The following AHNAK2 variants were observed in gnomAD, a reference collection of about 807,000 sequenced individuals.
The protein encoded by AHNAK2 is protein AHNAK2.
In AHNAK2, 18 loss-of-function variants were observed where a neutral mutation model predicts 30.7. The observed-to-expected ratio is 0.59, with a 90% CI of 0.41 to 0.87. The LOEUF (loss-of-function observed/expected upper bound fraction) is 0.87. Ranked by LOEUF, AHNAK2 falls within the 40% of genes least tolerant of loss-of-function variation. The pLI is 0.00. For missense variants in AHNAK2, 8,604 were observed against 7,373.0 expected (o/e 1.17, Z -6.11); for synonymous variants, 3,590 against 3,073.8 (o/e 1.17, Z -5.56).
intron 5 of AHNAK2, 21 bp from the exon 6 acceptor site, chr14:104,955,162 C>G (rs368794016): frequency 8.9e-5 from 142 of 1,589,280 alleles, no homozygotes; most frequent in Non-Finnish European, 1.2e-4. Context: ...AAAGAGCAGC[C>G]CCAGGGCCGG....
rs779053474 is a variant in AHNAK2, at chr14:104,948,813, T to C, written c.6638A>G (p.Gln2213Arg). 1.2e-5 allele frequency: 19 copies of C among 1,612,564 alleles called. No individual in the cohort carries two copies. The Admixed American group carries it at 3.0e-4, about 25-fold the overall frequency. Residue 2213 changes from glutamine (Q) to arginine (R), a missense_variant, in exon 7 of 7, where the codon CAG becomes CGG. Gln to Arg is a conservative substitution (Grantham distance 43). Transcript: ENST00000333244. Reference protein sequence around the residue: ...IQPLSADVKVQAGQVDVKLLE... With the variant: ...IQPLSADVKVRAGQVDVKLLE... ...GAGTTTCACGTCCACCTGGCCAGCC[T>C]GGACCTTCACGTCGGCGGAAAGGGG...
chr14:104,947,673 A>G lies in AHNAK2; in HGVS notation c.7778T>C (p.Leu2593Pro). The change falls in exon 7 of 7, where the codon CTG becomes CCG. Residue 2593 changes from leucine to proline, a missense_variant. By Grantham distance (98) the Leu-to-Pro change is moderately conservative. Coordinates refer to ENST00000333244, the MANE Select transcript of AHNAK2 (RefSeq NM_138420.4). The part of the protein sequence containing the change: ...GPQLDVKGPK[L>P]DLKGPKAEVT... ...TTCCGCCTTGGGGCCTTTCAGGTCCAGCTTGGGGCCCTTGACATCTAGCTG... is the reference window on the plus strand; with the variant it reads ...TTCCGCCTTGGGGCCTTTCAGGTCCGGCTTGGGGCCCTTGACATCTAGCTG... The G allele has an allele frequency of 2.1e-5, 34 of 1,612,956 alleles. No individual in the cohort carries two copies. Among genetic ancestry groups the G allele is most frequent in the Non-Finnish European group, 2.9e-5 (34 of 1,179,636 alleles).
At chr14:104,968,249 C>CGTGGT (rs1176146140) in intron 1 of AHNAK2, among the ~76,000 whole-genome samples, 1 of 152,188 alleles carries the variant, frequency 6.6e-6, no homozygotes, top group Non-Finnish European at 1.5e-5. Context: ...CATGCCAGGG[C>CGTGGT]AGGTGGGGGT....
Position 104,953,350 on chromosome 14 carries a change from A to T in AHNAK2, c.2101T>A (p.Ser701Thr), listed in dbSNP as rs574839800. The T allele has an allele frequency of 3.7e-6, 6 of 1,613,376 alleles. No individual in the cohort carries two copies. In the East Asian group the frequency reaches 8.9e-5, roughly 24 times the overall value. ...ACGTCGGCCTCCACCTTCGGCGCAG[A>T]CACATCCACCGAGGCCTCCATGGAC... ...GKSMEASVDV[S>T]APKVEADVSL... Residue 701 changes from serine to threonine, a missense_variant, in exon 7 of 7, where the codon TCT (serine) becomes ACT (threonine). Coordinates refer to ENST00000333244, the MANE Select transcript of AHNAK2 (RefSeq NM_138420.4).
chr14:104,941,092 AGG>A lies in AHNAK2; in HGVS notation c.14357_14358del (p.Pro4786LeufsTer2). The A allele has an allele frequency of 6.2e-7, 1 of 1,613,704 alleles. No individual in the cohort carries two copies. Among genetic ancestry groups the A allele is most frequent in the Non-Finnish European group, 8.5e-7 (1 of 1,179,888 alleles). ...GPHFESSILSPCEDVTLTKYQ... is the reference protein window; with the variant it reads ...GPHFESSILSXCEDVTLTKYQ... ...TATTTTGTAAGTGTAACATCCTCAC[AGG>A]GAGAGAGAATAGAAGATTCAAAGTG... On this transcript the variant is annotated frameshift_variant, in exon 7 of 7. Coordinates refer to ENST00000333244, the MANE Select transcript of AHNAK2 (RefSeq NM_138420.4). LOFTEE classifies it low-confidence loss of function (END_TRUNC).
intron 1 of AHNAK2, 31 bp from the exon 2 acceptor site, chr14:104,957,703 AG>A: frequency 1.2e-6 from 2 of 1,600,070 alleles, no homozygotes; most frequent in Non-Finnish European, 1.7e-6. Flanking sequence ...AGTGGAGACA[AG>A]CAGGCTGGGG....
chr14:104,962,605 T>C (rs2140876126), intron 1 of AHNAK2, among the ~76,000 whole-genome samples: 1 of 152,264 alleles, frequency 6.6e-6, no homozygotes, highest in Admixed American at 6.5e-5. Flanking sequence ...TTTTTTTTTT[T>C]TGGTACTTTT....
chr14:104,966,551 A>G lies in AHNAK2; in HGVS notation c.56-8879T>C. Among the ~76,000 whole-genome samples the G allele has an allele frequency of 6.6e-6, 1 of 151,434 alleles. No individual in the cohort carries two copies. The highest frequency in any genetic ancestry group is 1.5e-5 in the Non-Finnish European group (1 of 67,850). ...CTGCTCCCACCTGGACGCACCCCCA[A>G]CCTGCACAGACAGAACTTGGCCAGC... On this transcript the variant is annotated intron_variant, in intron 1 of 6. Transcript: ENST00000333244. The surrounding 1 kb of genome is among the most constrained non-coding windows in gnomAD (Gnocchi z 4.3).
chr14:104,969,806 G>C (rs1276676966), intron 1 of AHNAK2, among the ~76,000 whole-genome samples: 1 of 152,186 alleles, frequency 6.6e-6, no homozygotes, highest in Non-Finnish European at 1.5e-5. Flanking sequence ...ATCCATCCCA[G>C]GCGGGCTAGC....
At chr14:104,959,383 G>T (rs1899070813) in intron 1 of AHNAK2, among the ~76,000 whole-genome samples, 1 of 152,162 alleles carries the variant, frequency 6.6e-6, no homozygotes, top group South Asian at 2.1e-4. Context: ...TGTCGGCCAG[G>T]CTGGTCTTGA....
rs1159249589 is a variant in AHNAK2, at chr14:104,947,184, G to A, written c.8267C>T (p.Pro2756Leu). ...LKGPQIDVKG[P>L]NVDLKGPKAE... The stretch of plus-strand genomic sequence containing the variant: ...CTTGGGGCCTTTCAGGTCCACGTTG[G>A]GGCCCTTAACATCTATCTGGGGGCC... Residue 2756 changes from proline (P) to leucine (L), a missense_variant, in exon 7 of 7, where the codon CCC becomes CTC. Transcript: ENST00000333244. 2 of 1,611,938 alleles carry A rather than the reference G, an allele frequency of 1.2e-6. No homozygotes were observed. Among genetic ancestry groups the A allele is most frequent in the African/African-American group, 2.7e-5 (2 of 74,076 alleles).
In AHNAK2 at chr14:104,954,328, T is replaced by G. The variant is rs1421128552; in HGVS notation, c.1123A>C (p.Ser375Arg). 1.2e-6 allele frequency: 2 copies of G among 1,613,540 alleles called. No individual in the cohort carries two copies. The highest frequency in any genetic ancestry group is 2.7e-5 in the African/African-American group (2 of 74,934). Reference protein sequence around the residue: ...SLEETGAATGSRREERAEQDR... With the variant: ...SLEETGAATGRRREERAEQDR... ...TGTTCTGCCCTCTCCTCTCTCCTGC[T>G]GCCTGTGGCAGCCCCAGTCTCCTCG... Residue 375 changes from serine to arginine, a missense_variant, in exon 7 of 7, where the codon AGC becomes CGC. By Grantham distance (110) the Ser-to-Arg change is moderately radical (BLOSUM62 -1). Coordinates refer to ENST00000333244, the MANE Select transcript of AHNAK2 (RefSeq NM_138420.4). The surrounding 1 kb of genome is among the most constrained non-coding windows in gnomAD (Gnocchi z 4.3).
Position 104,957,427 on chromosome 14 carries a change from C to T in AHNAK2, c.196G>A (p.Ala66Thr). The T allele has an allele frequency of 6.3e-7, 1 of 1,588,414 alleles. No homozygotes were observed. The highest frequency in any genetic ancestry group is 8.6e-7 in the Non-Finnish European group (1 of 1,160,998). ...AGGCTCACCTGGAGTCCAAAGTCGG[C>T]AGCCTCAGTCGTGTATTCGTAGACA... Reference protein sequence around the residue: ...SPVYEYTTEAADFGLQEDAPG... With the variant: ...SPVYEYTTEATDFGLQEDAPG... The change falls in exon 3 of 7, where the codon GCC becomes ACC. Residue 66 changes from alanine (A) to threonine (T), a missense_variant. Physicochemically the swap from Ala to Thr is moderately conservative, Grantham distance 58. Transcript: ENST00000333244.
At position 104,953,859 on chromosome 14, in the gene AHNAK2, TCCTCA is replaced by T; in HGVS notation, c.1587_1591del (p.Glu530GlyfsTer22). The T allele has an allele frequency of 6.2e-7, 1 of 1,614,000 alleles. No homozygotes were observed. Among genetic ancestry groups the T allele is most frequent in the Middle Eastern group, 1.6e-4 (1 of 6,062 alleles). On this transcript the variant is annotated frameshift_variant, in exon 7 of 7. Coordinates refer to ENST00000333244, the MANE Select transcript of AHNAK2 (RefSeq NM_138420.4). LOFTEE classifies it low-confidence loss of function (END_TRUNC). ...CGGCATCCACCCGGCTCCTTCCACCTCCTCACCCTTCAGGCCAGTACCCGCTTTTG... is the reference window on the plus strand; with the variant it reads ...CGGCATCCACCCGGCTCCTTCCACCTCCCTTCAGGCCAGTACCCGCTTTTG...
chr14:104,945,100 C>G lies in AHNAK2; in HGVS notation c.10351G>C (p.Asp3451His). The change falls in exon 7 of 7, where the codon GAT (aspartate) becomes CAT (histidine). Residue 3451 changes from aspartate to histidine, a missense_variant. Coordinates refer to ENST00000333244, the MANE Select transcript of AHNAK2 (RefSeq NM_138420.4). ...VDVQAPRAKL[D>H]GARLEGDLSL... ...AGGTCCCCCTCCAGCCGCGCACCAT[C>G]CAGCTTGGCTCTCGGGGCCTGGACG... The G allele has an allele frequency of 1.2e-6, 2 of 1,613,254 alleles. No individual in the cohort carries two copies. The highest frequency in any genetic ancestry group is 1.7e-6 in the Non-Finnish European group (2 of 1,179,744).
chr14:104,978,034 G>T, intron 1 of AHNAK2, 149 bp downstream of exon 1: 4 of 553,224 alleles, frequency 7.2e-6, no homozygotes, highest in Non-Finnish European at 1.0e-5. Flanking sequence ...GGCCGGGAAG[G>T]CCCAGAACCA....
At chr14:104,955,304 G>T in intron 5 of AHNAK2, 163 bp from the exon 6 acceptor site, 1 of 1,276,720 alleles carries the variant, frequency 7.8e-7, no homozygotes, top group Non-Finnish European at 1.1e-6. Flanking sequence ...AGGCAAGGTG[G>T]ATGGGGTCCC....
chr14:104,954,875 G>A lies in AHNAK2; in HGVS notation c.652-76C>T. 6.5e-7 allele frequency: 1 copy of A among 1,543,864 alleles called. No homozygotes were observed. The highest frequency in any genetic ancestry group is 1.2e-5 in the South Asian group (1 of 80,720). ...GCCCTGGCCCAGGGACAGATGGAGT[G>A]GGAGTGCTATCCCCTCCCAGGCTCA... On this transcript the variant is annotated intron_variant, in intron 6 of 6. Coordinates refer to ENST00000333244, the MANE Select transcript of AHNAK2 (RefSeq NM_138420.4). The surrounding 1 kb of genome is among the most constrained non-coding windows in gnomAD (Gnocchi z 4.3).
rs375165634 is a variant in AHNAK2 at position 104,948,062 on chromosome 14, C to T, written c.7389G>A (p.Ala2463=). 6.8e-5 allele frequency: 109 copies of T among 1,612,844 alleles called. 1 individual carries two copies. The South Asian group carries it at 7.1e-4, about 11-fold the overall frequency. The change falls in exon 7 of 7, where the codon GCG becomes GCA. Residue 2463 remains alanine, a synonymous_variant. Coordinates refer to ENST00000333244, the MANE Select transcript of AHNAK2 (RefSeq NM_138420.4). ...CCACAGACAGGTCCCCCTCCAGCCACGCACCATCCAGCTTGGCTCCCGGGG... is the reference window on the plus strand; with the variant it reads ...CCACAGACAGGTCCCCCTCCAGCCATGCACCATCCAGCTTGGCTCCCGGGG... ...VEAPGAKLDG[A]WLEGDLSVAD...
Sources: allele counts gnomAD v4.1 joint callset (sites outside exome capture counted in the v4.1 genomes callset), GRCh38; gene constraint gnomAD v4.1.1; non-coding constraint Gnocchi (gnomAD v3.1); transcripts MANE v1.5; gene names NCBI Gene and HGNC (gene_info 2026-07-23, HGNC 2026-07-21).